The following PSMG3 variants were observed in gnomAD, a reference collection of about 807,000 sequenced individuals.
PSMG3 encodes proteasome assembly chaperone 3.
In PSMG3, 4 loss-of-function variants were observed where a neutral mutation model predicts 7.9. That is an observed-to-expected ratio of 0.51 (90% confidence interval 0.25 to 1.16). The LOEUF is 1.16. PSMG3 is among the 50% of genes most tolerant of loss of function. The pLI is 0.15. For missense variants in PSMG3, 151 were observed against 157.4 expected (o/e 0.96, Z 0.22); for synonymous variants, 81 against 69.8 (o/e 1.16, Z -0.80).
At position 1,569,255 on chromosome 7, in the gene PSMG3, T is replaced by A; in HGVS notation, c.85A>T (p.Ser29Cys). 1 of 1,613,768 alleles carries A rather than the reference T, an allele frequency of 6.2e-7. No individual in the cohort carries two copies. The highest frequency in any genetic ancestry group is 8.5e-7 in the Non-Finnish European group (1 of 1,180,020). Residue 29 changes from serine to cysteine, a missense_variant, in exon 1 of 2, where the codon AGC (serine) becomes TGC (cysteine). Coordinates refer to ENST00000288607, the MANE Select transcript of PSMG3 (RefSeq NM_032302.4). ...VPTQVVCTAF[S>C]SHILVVVTQF... The stretch of plus-strand genomic sequence containing the variant: ...GTCACCACCACCAGGATGTGACTGC[T>A]GAAGGCCGTACACACCACCTGGGTG...
intron 1 of PSMG3, among the ~76,000 whole-genome samples, chr7:1,568,099 T>G (rs910326137): frequency 3.9e-5 from 6 of 152,068 alleles, no homozygotes; most frequent in African/African-American, 1.4e-4. Context: ...CTTCTGGCTC[T>G]CTCTCATCTA....
Position 1,568,203 on chromosome 7 carries a change from C to T in PSMG3, c.217-353G>A, listed in dbSNP as rs540490755. On this transcript the variant is annotated intron_variant, in intron 1 of 1. Coordinates refer to ENST00000288607, the MANE Select transcript of PSMG3 (RefSeq NM_032302.4). ...CACAGCACAGCCAGCCGCCTGCTCA[C>T]GTAATGTACCATGGCAGGGGAGGCG... 5.9e-5 allele frequency among the ~76,000 whole-genome samples: 9 copies of T among 152,224 alleles called. No individual in the cohort carries two copies. The South Asian group carries it at 6.2e-4, about 11-fold the overall frequency.
chr7:1,568,859 G>C (rs1778822217), intron 1 of PSMG3, among the ~76,000 whole-genome samples: 1 of 152,102 alleles, frequency 6.6e-6, no homozygotes, highest in Admixed American at 6.5e-5. Flanking sequence ...TGTTGGCCAG[G>C]CTGGTCTGGA....
At position 1,567,748 on chromosome 7, in the gene PSMG3, C is replaced by A; in HGVS notation, c.319G>T (p.Glu107Ter). 5.6e-6 allele frequency: 9 copies of A among 1,614,198 alleles called. No homozygotes were observed. The highest frequency in any genetic ancestry group is 7.6e-6 in the Non-Finnish European group (9 of 1,180,036). The stretch of plus-strand genomic sequence containing the variant: ...ACCTCCCTCAGCGCCTTCAGCCCCT[C>A]CATGCTTTTGTCCTTCACGGCCACG... ...LAVAVKDKSM[E>*]GLKALREVIR... The change falls in exon 2 of 2, where the codon GAG becomes TAG. Residue 107 changes from glutamate (E) to a stop codon, truncating the protein, a stop_gained. Coordinates refer to ENST00000288607, the MANE Select transcript of PSMG3 (RefSeq NM_032302.4). LOFTEE classifies it high-confidence loss of function.
In PSMG3 at chr7:1,567,602, T is replaced by A; in HGVS notation, c.*96A>T. On this transcript the variant is annotated 3_prime_UTR_variant, in exon 2 of 2. Transcript: ENST00000288607. ...CTCCAAGGGCTAGTGCCAAAGTTCC[T>A]CCCTCCACCGGGGAGGGAGGTGAGA... 7.7e-7 allele frequency: 1 copy of A among 1,294,482 alleles called. No individual in the cohort carries two copies. The highest frequency in any genetic ancestry group is 1.1e-6 in the Non-Finnish European group (1 of 942,768). The allele number at this position is 1,294,482 out of a possible 1,614,324, so 80.2% of individuals were successfully genotyped here. A position where few individuals can be genotyped will look rare whatever the true frequency, so the allele number is the denominator to read the frequency against.
rs180677649 is a variant in PSMG3 at position 1,567,851 on chromosome 7, C to T, written c.217-1G>A. 3.1e-6 allele frequency: 5 copies of T among 1,612,130 alleles called. No homozygotes were observed. In the East Asian group the frequency reaches 1.1e-4, roughly 36 times the overall value. The stretch of plus-strand genomic sequence containing the variant: ...TCTTTGCAAAGACATGGATGAGAGG[C>T]TGGTAAAGGAAGGAGAAGAAACCAT... On this transcript the variant is annotated splice_acceptor_variant, in intron 1 of 1. Transcript: ENST00000288607. LOFTEE classifies it high-confidence loss of function.
Position 1,569,515 on chromosome 7 carries a change from C to T in PSMG3, c.-176G>A, listed in dbSNP as rs1242620560. On this transcript the variant is annotated 5_prime_UTR_variant, in exon 1 of 2. Transcript: ENST00000288607. ...AGGCGCGGTGGCTCATGCCTGTCAT[C>T]CCGGCACTTTGGGAGGCCGAGACAG... 2 of 572,820 alleles carry T rather than the reference C, an allele frequency of 3.5e-6. No individual in the cohort carries two copies. Among genetic ancestry groups the T allele is most frequent in the Non-Finnish European group, 6.1e-6 (2 of 328,326 alleles). 35.5% of individuals were successfully genotyped at this position (572,820 alleles called of 1,614,324 possible).
rs866099788 is a variant in PSMG3, at chr7:1,569,619, A to C, written c.-280T>G. The C allele has an allele frequency of 2.6e-5, 8 of 313,044 alleles. No individual in the cohort carries two copies. Among genetic ancestry groups the C allele is most frequent in the Middle Eastern group, 9.1e-4 (1 of 1,102 alleles). 19.4% of individuals were successfully genotyped at this position (313,044 alleles called of 1,614,324 possible). ...CCCATCTCTACCAAAAAAAAAAAAA[A>C]AAAAAACCAGCAGGGCGCGCCTGTG... is the stretch of plus-strand genomic sequence containing the variant. On this transcript the variant is annotated 5_prime_UTR_variant, in exon 1 of 2. Transcript: ENST00000288607.
intron 1 of PSMG3, among the ~76,000 whole-genome samples, 187 bp downstream of exon 1, chr7:1,568,937 T>G (rs1293113627): frequency 2.0e-5 from 3 of 152,110 alleles, no homozygotes; most frequent in Non-Finnish European, 4.4e-5. Flanking sequence ...TGTGAGCCAC[T>G]GCACCCAGCC....
chr7:1,567,452 C>T lies in PSMG3; in HGVS notation c.*246G>A, dbSNP rs1049383154. 1.6e-5 allele frequency: 6 copies of T among 379,620 alleles called. No individual in the cohort carries two copies. The highest frequency in any genetic ancestry group is 9.6e-5 in the South Asian group (1 of 10,408). 23.5% of individuals were successfully genotyped at this position (379,620 alleles called of 1,614,324 possible). A position where few individuals can be genotyped will look rare whatever the true frequency, so the allele number is the denominator to read the frequency against. ...TCCTCCAATTCTCAAACACAAGCAA[C>T]GATTCAGGTCCTGGTGAGAACCATT... On this transcript the variant is annotated 3_prime_UTR_variant, in exon 2 of 2. Transcript: ENST00000288607.
At chr7:1,569,006 G>A (rs1778825640) in intron 1 of PSMG3, 118 bp downstream of exon 1, 1 of 761,602 alleles carries the variant, frequency 1.3e-6, no homozygotes, top group South Asian at 1.6e-5. Context: ...TTGTGTGTGT[G>A]TTGTTGTGTT....
rs60165118 is a variant in PSMG3 at position 1,569,605 on chromosome 7, CAAAA to C, written c.-270_-267del. On this transcript the variant is annotated 5_prime_UTR_variant, in exon 1 of 2. An upstream open reading frame in the 5' UTR loses its in-frame stop. Transcript: ENST00000288607. ...AACATAGCGAGACCCCCATCTCTAC[CAAAA>C]AAAAAAAAAAAAAAAACCAGCAGGG... 227 of 102,012 alleles carry C rather than the reference CAAAA, an allele frequency of 2.2e-3. No homozygotes were observed. The highest frequency in any genetic ancestry group is 0.014 in the Middle Eastern group (3 of 222). 6.3% of individuals were successfully genotyped at this position (102,012 alleles called of 1,614,324 possible).
rs776100986 is a variant in PSMG3 at position 1,569,192 on chromosome 7, G to A, written c.148C>T (p.Pro50Ser). ...CTGACGTCACTGGCCACGCTGCTGGGCTCCAGGGAGACCAGGGTGCCCATC... is the reference window on the plus strand; with the variant it reads ...CTGACGTCACTGGCCACGCTGCTGGACTCCAGGGAGACCAGGGTGCCCATC... ...GKMGTLVSLE[P>S]SSVASDVSKP... is the part of the protein sequence containing the mutation. Residue 50 changes from proline (P) to serine (S), a missense_variant, in exon 1 of 2, where the codon CCC (proline) becomes TCC (serine). By Grantham distance (74) the Pro-to-Ser change is moderately conservative. Transcript: ENST00000288607. 2 of 1,613,606 alleles carry A rather than the reference G, an allele frequency of 1.2e-6. No individual in the cohort carries two copies. Among genetic ancestry groups the A allele is most frequent in the Non-Finnish European group, 1.7e-6 (2 of 1,180,016 alleles).
At position 1,569,448 on chromosome 7, in the gene PSMG3, T is replaced by C. The variant is rs536065528; in HGVS notation, c.-109A>G. 1.5e-4 allele frequency: 140 copies of C among 925,660 alleles called. No homozygotes were observed. In the African/African-American group the frequency reaches 1.7e-3, roughly 11 times the overall value. The allele number at this position is 925,660 out of a possible 1,614,324, so 57.3% of individuals were successfully genotyped here. Reference sequence around the variant, plus strand: ...GCTCCCAAAAAAGTAGCACGGGGCATTGAAACGGAAACGCAAGGAGGCCCA... The same window carrying C: ...GCTCCCAAAAAAGTAGCACGGGGCACTGAAACGGAAACGCAAGGAGGCCCA... On this transcript the variant is annotated 5_prime_UTR_variant, in exon 1 of 2. The change abolishes an upstream ATG in the 5' untranslated region. Coordinates refer to ENST00000288607, the MANE Select transcript of PSMG3 (RefSeq NM_032302.4).
intron 1 of PSMG3, 138 bp from the exon 2 acceptor site, chr7:1,567,988 T>A: frequency 1.4e-6 from 1 of 722,520 alleles, no homozygotes; most frequent in East Asian, 2.8e-5. Flanking sequence ...CATGCAACTG[T>A]GACTCAGAGT....
In PSMG3 at chr7:1,567,553, T is replaced by C. The variant is rs1432597643; in HGVS notation, c.*145A>G. ...TTAGTAACCAGAGTAAGAGTCTGCCTGAGACACGAGTCTTTTTTCCTGGCT... is the reference window on the plus strand; with the variant it reads ...TTAGTAACCAGAGTAAGAGTCTGCCCGAGACACGAGTCTTTTTTCCTGGCT... On this transcript the variant is annotated 3_prime_UTR_variant, in exon 2 of 2. Transcript: ENST00000288607. 6 of 730,560 alleles carry C rather than the reference T, an allele frequency of 8.2e-6. No individual in the cohort carries two copies. The highest frequency in any genetic ancestry group is 7.8e-5 in the East Asian group (3 of 38,460). 45.3% of individuals were successfully genotyped at this position (730,560 alleles called of 1,614,324 possible). A position where few individuals can be genotyped will look rare whatever the true frequency, so the allele number is the denominator to read the frequency against.
chr7:1,569,379 AG>A lies in PSMG3; in HGVS notation c.-41del. On this transcript the variant is annotated 5_prime_UTR_variant, in exon 1 of 2. An upstream open reading frame in the 5' UTR gains an earlier in-frame stop. Coordinates refer to ENST00000288607, the MANE Select transcript of PSMG3 (RefSeq NM_032302.4). ...GTGGCAGCTTTAATTTAGGTTAAAAAGAAAGGGGAAAAAAAGGAGTCAATCA... is the reference window on the plus strand; with the variant it reads ...GTGGCAGCTTTAATTTAGGTTAAAAAAAAGGGGAAAAAAAGGAGTCAATCA... 4 of 1,504,268 alleles carry A rather than the reference AG, an allele frequency of 2.7e-6. No individual in the cohort carries two copies. The highest frequency in any genetic ancestry group is 3.6e-6 in the Non-Finnish European group (4 of 1,111,792). The allele number at this position is 1,504,268 out of a possible 1,614,324, so 93.2% of individuals were successfully genotyped here.
intron 1 of PSMG3, among the ~76,000 whole-genome samples, chr7:1,568,615 A>T (rs1174407939): frequency 6.7e-6 from 1 of 149,608 alleles, no homozygotes; most frequent in Non-Finnish European, 1.5e-5. Flanking sequence ...ACAGGCACAC[A>T]CCACTAGGCC....
rs1296903122 is a variant in PSMG3 at position 1,567,661 on chromosome 7, G to C, written c.*37C>G. On this transcript the variant is annotated 3_prime_UTR_variant, in exon 2 of 2. Transcript: ENST00000288607. ...CCTGAGTGGGTGTCTGGGTGTTCAC[G>C]TGTCCTGCTGAGCAGCGCGGGGCGG... 1.3e-6 allele frequency: 2 copies of C among 1,584,686 alleles called. No individual in the cohort carries two copies. The highest frequency in any genetic ancestry group is 4.5e-5 in the East Asian group (2 of 44,276).
Sources: gnomAD v4.1 joint callset for allele counts (sites outside exome capture counted in the v4.1 genomes callset) on GRCh38, gnomAD v4.1.1 for gene constraint, MANE v1.5 for transcripts, NCBI Gene and HGNC (gene_info 2026-07-23, HGNC 2026-07-21) for gene names.